Variants in CCNY observed in about 807,000 individuals in gnomAD.
CCNY encodes cyclin Y.
A neutral mutation model predicts 42.8 loss-of-function variants in CCNY; 19 were observed. The ratio of observed to expected loss-of-function variants is 0.44; its 90% CI spans 0.31 to 0.65. The LOEUF (loss-of-function observed/expected upper bound fraction) is 0.65. Among genes scored for constraint, CCNY ranks in the 30% least tolerant of loss-of-function variants. CCNY has a pLI of 0.07. For missense variants in CCNY, 370 were observed against 437.3 expected, an observed-to-expected ratio of 0.85 and a Z score of 1.37; for synonymous variants, 165 against 162.7, an observed-to-expected ratio of 1.01 and a Z score of -0.11.
chr10:35,516,720 C>G (rs1489814809), intron 4 of CCNY, 97 bp downstream of exon 4: 3 of 721,536 alleles, frequency 4.2e-6, no homozygotes, highest in East Asian at 2.9e-5. Flanking sequence ...GTTCCTTAAC[C>G]TGACAGCTAA....
chr10:35,477,912 C>T (rs965031653), intron 1 of CCNY, among the ~76,000 whole-genome samples: 12 of 147,284 alleles, frequency 8.1e-5, no homozygotes, highest in Non-Finnish European at 1.5e-5. Flanking sequence ...CCAAAATCTC[C>T]TTAAGCTGAT....
chr10:35,289,741 G>A (rs1411833143), intron 3 of CCNY, among the ~76,000 whole-genome samples: 1 of 151,928 alleles, frequency 6.6e-6, no homozygotes, highest in Non-Finnish European at 1.5e-5. Context: ...GGGCATGGTG[G>A]CAGGTGCCTG....
intron 2 of CCNY, among the ~76,000 whole-genome samples, chr10:35,248,512 C>T (rs899190672): frequency 3.3e-5 from 5 of 151,920 alleles, no homozygotes; most frequent in African/African-American, 9.7e-5. Context: ...TGGGCATGGT[C>T]GTGCATGCCT....
chr10:35,254,445 G>A (rs1205326910), intron 3 of CCNY, among the ~76,000 whole-genome samples: 1 of 152,124 alleles, frequency 6.6e-6, no homozygotes, highest in Non-Finnish European at 1.5e-5. Context: ...CCTGTGAGTT[G>A]AGAATAGTGT....
At chr10:35,494,021 A>G (rs774314372) in intron 2 of CCNY, among the ~76,000 whole-genome samples, 2 of 152,184 alleles carry the variant, frequency 1.3e-5, no homozygotes, top group African/African-American at 4.8e-5. Context: ...ATACCAGGAC[A>G]AGAGTAGAGG....
chr10:35,402,545 A>T (rs1465903233), intron 1 of CCNY, among the ~76,000 whole-genome samples: 1 of 152,188 alleles, frequency 6.6e-6, no homozygotes, highest in Admixed American at 6.5e-5. Flanking sequence ...AGCAGTGAGT[A>T]AGTTGAGGTC....
chr10:35,441,497 T>G (rs763201735), intron 1 of CCNY, among the ~76,000 whole-genome samples: 1 of 152,204 alleles, frequency 6.6e-6, no homozygotes, highest in African/African-American at 2.4e-5. Flanking sequence ...CTGGGCGCAG[T>G]GGCTGCGAGG....
chr10:35,275,374 G>C lies in CCNY; in HGVS notation c.-9+24748G>C, dbSNP rs138587563. On this transcript the variant is annotated intron_variant, in intron 3 of 11. Transcript: ENST00000374706. ...AGCCACTGCGCCCAGTCGATTCACT[G>C]TTGTTCCTGTGAGAGAAAGGAGTTC... 6.3e-3 allele frequency among the ~76,000 whole-genome samples: 952 copies of C among 152,022 alleles called. 8 individuals are homozygous for C. The highest frequency in any genetic ancestry group is 0.016 in the Admixed American group (237 of 15,256).
At chr10:35,337,264 A>T in intron 1 of CCNY, 57 bp downstream of exon 1, 1 of 1,407,162 alleles carries the variant, frequency 7.1e-7, no homozygotes, top group South Asian at 1.4e-5. Flanking sequence ...CGCACAGCCA[A>T]CGTCGGGGCG....
chr10:35,506,216 A>G lies in CCNY; in HGVS notation c.264+4681A>G, dbSNP rs865886829. On this transcript the variant is annotated intron_variant, in intron 3 of 9. Transcript: ENST00000374704. ...AATTTTAAAAATCCAATAAGATTAA[A>G]GAAATCCAGCTTTTACTTTGAAATA... Among the ~76,000 whole-genome samples, 12 of 152,372 alleles carry G rather than the reference A, an allele frequency of 7.9e-5. 1 individual carries two copies. In the South Asian group the frequency reaches 2.5e-3, roughly 32 times the overall value.
At chr10:35,422,375 C>T (rs1218876198) in intron 1 of CCNY, among the ~76,000 whole-genome samples, 1 of 152,126 alleles carries the variant, frequency 6.6e-6, no homozygotes, top group Non-Finnish European at 1.5e-5. Flanking sequence ...AGCATTAGAT[C>T]CGAGCTCCTG....
At position 35,277,724 on chromosome 10, in the gene CCNY, C is replaced by CTT. The variant is rs201138322; in HGVS notation, c.-9+27109_-9+27110dup. ...AGTGCATCCTATGCCCATGTAAATTCTTTTTTTTTTTTCCAAAAGAGTCCT... is the reference window on the plus strand; with the variant it reads ...AGTGCATCCTATGCCCATGTAAATTCTTTTTTTTTTTTTTCCAAAAGAGTCCT... On this transcript the variant is annotated intron_variant, in intron 3 of 11. Transcript: ENST00000374706. Among the ~76,000 whole-genome samples, 10 of 147,800 alleles carry CTT rather than the reference C, an allele frequency of 6.8e-5. No individual in the cohort carries two copies. In the East Asian group the frequency reaches 7.9e-4, roughly 12 times the overall value.
At chr10:35,270,768 T>C (rs373206931) in intron 3 of CCNY, among the ~76,000 whole-genome samples, 2 of 140,528 alleles carry the variant, frequency 1.4e-5, no homozygotes, top group Non-Finnish European at 3.0e-5. Context: ...CTCTGTCGCC[T>C]AGGCTGGAGT....
chr10:35,380,488 TCAAA>T (rs968619525), intron 1 of CCNY, among the ~76,000 whole-genome samples: 2 of 152,214 alleles, frequency 1.3e-5, no homozygotes, highest in African/African-American at 4.8e-5. Flanking sequence ...ATAACTAACT[TCAAA>T]CATTTATTTC....
chr10:35,541,926 T>A (rs1841009538), intron 7 of CCNY, among the ~76,000 whole-genome samples: 1 of 150,906 alleles, frequency 6.6e-6, no homozygotes, highest in Non-Finnish European at 1.5e-5. Flanking sequence ...GACACCATAT[T>A]GTGTCTAGTT....
intron 1 of CCNY, among the ~76,000 whole-genome samples, chr10:35,411,512 CAAAAAAA>C (rs59117826): frequency 1.1e-4 from 7 of 61,394 alleles, no homozygotes; most frequent in African/African-American, 2.5e-4. Context: ...AAGACTCTGT[CAAAAAAA>C]AAAAAAAAAA....
intron 1 of CCNY, among the ~76,000 whole-genome samples, chr10:35,426,129 A>G (rs1838265190): frequency 1.5e-5 from 2 of 132,110 alleles, no homozygotes; most frequent in African/African-American, 6.8e-5. Context: ...ACACACACAC[A>G]CACACACACA....
At chr10:35,493,602 G>T (rs1001961815) in intron 2 of CCNY, among the ~76,000 whole-genome samples, 1 of 152,182 alleles carries the variant, frequency 6.6e-6, no homozygotes. Context: ...TTAATGCCTT[G>T]GAATGATTGC....
At chr10:35,361,781 T>C (rs1325733202) in intron 1 of CCNY, among the ~76,000 whole-genome samples, 1 of 152,226 alleles carries the variant, frequency 6.6e-6, no homozygotes, top group African/African-American at 2.4e-5. Flanking sequence ...TAAATTGTAA[T>C]TGTGAAAATG....
Sources: gnomAD v4.1 joint callset for allele counts (sites outside exome capture counted in the v4.1 genomes callset) on GRCh38, gnomAD v4.1.1 for gene constraint, MANE v1.5 for transcripts, NCBI Gene and HGNC (gene_info 2026-07-23, HGNC 2026-07-21) for gene names.